The following BCOR variants were observed in gnomAD, a reference collection of about 807,000 sequenced individuals.
BCOR encodes BCL-6 corepressor.
Under a neutral mutation model 86.7 loss-of-function variants are expected in BCOR, and 10 were observed. The ratio of observed to expected loss-of-function variants is 0.12; its 90% CI spans 0.07 to 0.20. The LOEUF is 0.20. BCOR is among the 10% of genes least tolerant of loss of function. The pLI is 1.00. For missense variants in BCOR, 1,259 were observed against 1,452.1 expected (o/e 0.87, Z 2.16); for synonymous variants, 611 against 609.0 (o/e 1.00, Z -0.05).
chrX:40,099,053 G>C (rs1026751469), upstream of BCOR, among the ~76,000 whole-genome samples: 1 of 113,369 alleles, frequency 8.8e-6, no homozygotes, highest in Non-Finnish European at 1.9e-5. Flanking sequence ...CCTTGACAGG[G>C]AGCAACTTTT....
intron 1 of BCOR, among the ~76,000 whole-genome samples, chrX:40,084,711 C>T (rs932903279): frequency 1.3e-4 from 13 of 97,963 alleles, no homozygotes; most frequent in Non-Finnish European, 1.6e-4. Context: ...CCACCCCCCC[C>T]CACCACCACC....
chrX:40,070,931 G>A (rs370460678), intron 6 of BCOR, 42 bp downstream of exon 6: 13 of 1,174,386 alleles, frequency 1.1e-5, no homozygotes, highest in Admixed American at 1.1e-4. Flanking sequence ...GATGCCAACC[G>A]GACCTGAGGC....
chrX:40,093,820 C>G (rs1049374669), intron 1 of BCOR, among the ~76,000 whole-genome samples: 3 of 111,802 alleles, frequency 2.7e-5, no homozygotes, highest in Non-Finnish European at 3.8e-5. Flanking sequence ...TCCTTGAACA[C>G]CCGCATGAAT....
chrX:40,131,666 A>G (rs1196885239), intron 1 of BCOR, among the ~76,000 whole-genome samples: 1 of 111,091 alleles, frequency 9.0e-6, no homozygotes, highest in Non-Finnish European at 1.9e-5. Flanking sequence ...AAGAGAAGAG[A>G]AGAGGAGACA....
In BCOR at chrX:40,074,003, A is replaced by G. The variant is rs1430076025; in HGVS notation, c.1343T>C (p.Val448Ala). ...DKPLDLSSKV[V>A]DVDASKADHM... ...GTCAGCTTTGGAAGCATCTACATCC[A>G]CCACTTTAGAAGACAAGTCTAGTGG... Residue 448 changes from valine to alanine, a missense_variant, in exon 4 of 15, where the codon GTG becomes GCG. Val to Ala is a moderately conservative substitution (Grantham distance 64, BLOSUM62 0). Coordinates refer to ENST00000378444, the MANE Select transcript of BCOR (RefSeq NM_001123385.2). The G allele has an allele frequency of 3.3e-6, 4 of 1,210,663 alleles. No individual in the cohort carries two copies. The African/African-American group carries it at 7.0e-5, about 21-fold the overall frequency.
intron 1 of BCOR, among the ~76,000 whole-genome samples, chrX:40,130,613 T>A (rs1937592644): frequency 9.3e-6 from 1 of 107,626 alleles, no homozygotes; most frequent in Non-Finnish European, 1.9e-5. Flanking sequence ...GAGGGAAGCA[T>A]GTCGGTGGGG....
At chrX:40,113,394 G>A (rs1937342957) in intron 1 of BCOR, among the ~76,000 whole-genome samples, 1 of 103,138 alleles carries the variant, frequency 9.7e-6, no homozygotes, top group Non-Finnish European at 2.0e-5. Context: ...GTGACAGAGG[G>A]AGACCATGTC....
chrX:40,084,764 A>G (rs1479085366), intron 1 of BCOR, among the ~76,000 whole-genome samples: 1 of 105,487 alleles, frequency 9.5e-6, no homozygotes, highest in Non-Finnish European at 1.9e-5. Context: ...TAATAACAAC[A>G]GCTATCATTA....
intron 1 of BCOR, among the ~76,000 whole-genome samples, chrX:40,120,610 C>G (rs992309910): frequency 8.9e-6 from 1 of 111,777 alleles, no homozygotes; most frequent in Non-Finnish European, 1.9e-5. Context: ...CAGTCCATGG[C>G]CCCCACAGCA....
intron 1 of BCOR, among the ~76,000 whole-genome samples, chrX:40,163,433 GCTCT>G (rs967054347): frequency 1.8e-5 from 2 of 110,988 alleles, no homozygotes; most frequent in Non-Finnish European, 3.8e-5. Context: ...CCTAATTTTA[GCTCT>G]CTGAGTCCCC....
chrX:40,081,051 G>C (rs1368453296), intron 1 of BCOR, among the ~76,000 whole-genome samples: 1 of 111,392 alleles, frequency 9.0e-6, no homozygotes, highest in African/African-American at 3.3e-5. Flanking sequence ...CTGTTTAAAA[G>C]TGGAGGTCTG....
At chrX:40,130,042 A>C (rs1422798363) in intron 1 of BCOR, among the ~76,000 whole-genome samples, 1 of 111,002 alleles carries the variant, frequency 9.0e-6, no homozygotes, top group Non-Finnish European at 1.9e-5. Flanking sequence ...AAAAAGAAGA[A>C]GAACAGACTT....
In BCOR at chrX:40,139,497, A is replaced by ATT. The variant is rs750808544; in HGVS notation, c.-41+37508_-41+37509dup. Among the ~76,000 whole-genome samples, 4 of 5,709 alleles carry ATT rather than the reference A, an allele frequency of 7.0e-4. 1 individual carries two copies. Among genetic ancestry groups the ATT allele is most frequent in the African/African-American group, 1.8e-3 (3 of 1,713 alleles). 5.0% of individuals were successfully genotyped at this position (5,709 alleles called of 115,157 possible). On this transcript the variant is annotated intron_variant, in intron 1 of 14. Transcript: ENST00000342274. Reference sequence around the variant, plus strand: ...TATATATATATATATATATATATATATTTTTTTTTTTTTTTAAGCATCAGC... The same window carrying ATT: ...TATATATATATATATATATATATATATTTTTTTTTTTTTTTTTAAGCATCAGC...
At chrX:40,068,295 T>G (rs1289853381) in intron 6 of BCOR, among the ~76,000 whole-genome samples, 1 of 111,989 alleles carries the variant, frequency 8.9e-6, no homozygotes, top group East Asian at 2.8e-4. Context: ...TGACATCTAC[T>G]CCCTCTGCAG....
Position 40,063,015 on chromosome X carries a change from C to T in BCOR, c.3904G>A (p.Gly1302Ser). 9 of 1,167,370 alleles carry T rather than the reference C, an allele frequency of 7.7e-6. No individual in the cohort carries two copies. Among genetic ancestry groups the T allele is most frequent in the Non-Finnish European group, 1.0e-5 (9 of 873,377 alleles). Reference sequence around the variant, plus strand: ...CTTGGCTGAGCCTGCTTTTTGCCGCCTGCACTGGTGGATGAAAGACTCTTC... The same window carrying T: ...CTTGGCTGAGCCTGCTTTTTGCCGCTTGCACTGGTGGATGAAAGACTCTTC... ...PMKSLSSTSA[G>S]GKKQAQPSCA... is the part of the protein sequence containing the mutation. The change falls in exon 9 of 15, where the codon GGC (glycine) becomes AGC (serine). Residue 1302 changes from glycine to serine, a missense_variant. This residue lies in a region of BCOR where 305 missense variants were observed against 286.1 expected (regional missense o/e 1.07). Coordinates refer to ENST00000378444, the MANE Select transcript of BCOR (RefSeq NM_001123385.2).
At chrX:40,121,586 G>A (rs1937487489) in intron 1 of BCOR, among the ~76,000 whole-genome samples, 1 of 113,149 alleles carries the variant, frequency 8.8e-6, no homozygotes, top group Non-Finnish European at 1.9e-5. Flanking sequence ...TTATCCTATG[G>A]GAGATGGACC....
At chrX:40,069,649 TG>T (rs753286735) in intron 6 of BCOR, among the ~76,000 whole-genome samples, 70 of 112,625 alleles carry the variant, frequency 6.2e-4, no homozygotes, top group Non-Finnish European at 1.2e-3. Context: ...AACTCGGCCT[TG>T]CCCACTTCTC....
chrX:40,152,568 G>A (rs1938190465), intron 1 of BCOR, among the ~76,000 whole-genome samples: 1 of 113,018 alleles, frequency 8.8e-6, no homozygotes, highest in South Asian at 3.6e-4. Context: ...CGCCCGGGCT[G>A]GGAACCTCAC....
At chrX:40,076,969 C>A (rs1935837999) in intron 2 of BCOR, 1 of 311,398 alleles carries the variant, frequency 3.2e-6, no homozygotes. Flanking sequence ...TCATCAACCA[C>A]TTCCGTGTTA....
Sources: gnomAD v4.1 joint callset for allele counts (sites outside exome capture counted in the v4.1 genomes callset) on GRCh38, gnomAD v4.1.1 for gene constraint, gnomAD v4.1.1 regional missense constraint, MANE v1.5 for transcripts, NCBI Gene and HGNC (gene_info 2026-07-23, HGNC 2026-07-21) for gene names.